NLK: variants seen among roughly 807,000 people sequenced by gnomAD.
NLK encodes serine/threonine-protein kinase NLK.
Under a neutral mutation model 59.0 loss-of-function variants are expected in NLK, and 11 were observed. The ratio of observed to expected loss-of-function variants is 0.19; its 90% CI spans 0.12 to 0.31. The LOEUF (loss-of-function observed/expected upper bound fraction) is 0.31. NLK is among the 10% of genes least tolerant of loss of function. The pLI, the probability that NLK is intolerant of heterozygous loss-of-function variation, is 1.00. For missense variants in NLK, 410 were observed against 661.1 expected (o/e 0.62, Z 4.16); for synonymous variants, 235 against 235.9 (o/e 1.00, Z 0.03).
intron 1 of NLK, among the ~76,000 whole-genome samples, chr17:28,103,267 C>T: frequency 6.6e-6 from 1 of 152,124 alleles, no homozygotes; most frequent in South Asian, 2.1e-4. Flanking sequence ...AGCAGAAGTT[C>T]CATAAGCCAG....
chr17:28,087,062 A>T (rs1272167275), intron 1 of NLK, among the ~76,000 whole-genome samples: 2 of 151,842 alleles, frequency 1.3e-5, no homozygotes, highest in South Asian at 2.1e-4. Context: ...AAAAAAAAAA[A>T]AAAGTTGATA....
intron 1 of NLK, chr17:28,048,179 A>G (rs556573446): frequency 1.4e-4 from 54 of 379,842 alleles, no homozygotes; most frequent in African/African-American, 1.1e-3. Flanking sequence ...GATAAAGAGT[A>G]GAGAATAAAA....
intron 7 of NLK, among the ~76,000 whole-genome samples, chr17:28,173,928 C>G (rs148600590): frequency 3.8e-4 from 58 of 152,224 alleles, no homozygotes; most frequent in Admixed American, 9.2e-4. Flanking sequence ...GATCAGACAC[C>G]CTTATGCTAC....
intron 1 of NLK, among the ~76,000 whole-genome samples, chr17:28,111,889 T>TG (rs1905507413): frequency 3.3e-5 from 4 of 119,478 alleles, no homozygotes; most frequent in African/African-American, 1.0e-4. Context: ...TGTGTGTGTG[T>TG]GTGTGTGGTG....
At position 28,191,046 on chromosome 17, in the gene NLK, C is replaced by T; in HGVS notation, c.1262C>T (p.Ala421Val). 6.2e-7 allele frequency: 1 copy of T among 1,606,310 alleles called. No individual in the cohort carries two copies. The highest frequency in any genetic ancestry group is 8.5e-7 in the Non-Finnish European group (1 of 1,177,440). The change falls in exon 9 of 11, where the codon GCC becomes GTC. Residue 421 changes from alanine to valine, a missense_variant. Around this residue, in one of 5 missense-constraint regions of NLK, gnomAD observed 150 missense variants for 244.3 expected, o/e 0.61. Coordinates refer to ENST00000407008, the MANE Select transcript of NLK (RefSeq NM_016231.5). ...DPSKRISAKDALAHPYLDEGR... is the reference protein window; with the variant it reads ...DPSKRISAKDVLAHPYLDEGR... ...TCCAAAAGAATATCCGCTAAGGATG[C>T]CTTAGCCCACCCCTACCTAGATGAA...
At chr17:28,142,729 A>C (rs964555185) in intron 3 of NLK, among the ~76,000 whole-genome samples, 1 of 152,172 alleles carries the variant, frequency 6.6e-6, no homozygotes, top group Non-Finnish European at 1.5e-5. Flanking sequence ...TGGAAGAAAA[A>C]AAAAACGAGC....
intron 6 of NLK, 61 bp downstream of exon 6, chr17:28,168,718 C>A: frequency 1.5e-6 from 2 of 1,304,272 alleles, no homozygotes; most frequent in South Asian, 1.2e-5. Flanking sequence ...GAAAATCCAT[C>A]TTGCACATGT....
chr17:28,200,066 G>A (rs1909589452), downstream of NLK, among the ~76,000 whole-genome samples: 1 of 152,170 alleles, frequency 6.6e-6, no homozygotes, highest in South Asian at 2.1e-4. Flanking sequence ...CAGGTCTTTT[G>A]TTGAGTATGT....
intron 3 of NLK, among the ~76,000 whole-genome samples, chr17:28,134,009 A>T (rs1906629271): frequency 6.6e-6 from 1 of 152,156 alleles, no homozygotes; most frequent in Non-Finnish European, 1.5e-5. Context: ...GATCTTTTAA[A>T]CCAAAAGCTC....
intron 1 of NLK, among the ~76,000 whole-genome samples, chr17:28,106,333 A>G (rs1905079541): frequency 6.6e-6 from 1 of 152,196 alleles, no homozygotes; most frequent in Non-Finnish European, 1.5e-5. Context: ...ATTCGTATAT[A>G]ATGAAAATAC....
At chr17:28,057,410 G>A (rs1245626017) in intron 1 of NLK, among the ~76,000 whole-genome samples, 1 of 152,170 alleles carries the variant, frequency 6.6e-6, no homozygotes, top group Non-Finnish European at 1.5e-5. Flanking sequence ...GAAGGAACTC[G>A]AAGTTTTAAA....
At chr17:28,159,030 G>T (rs1357782710) in intron 3 of NLK, among the ~76,000 whole-genome samples, 1 of 152,094 alleles carries the variant, frequency 6.6e-6, no homozygotes, top group Admixed American at 6.6e-5. Context: ...GTTGAGGTAG[G>T]CCTCATTTGA....
Position 28,043,112 on chromosome 17 carries a change from C to G in NLK, c.239C>G (p.Ala80Gly). The change falls in exon 1 of 11, where the codon GCA (alanine) becomes GGA (glycine). Residue 80 changes from alanine (A) to glycine (G), a missense_variant. By Grantham distance (60) the Ala-to-Gly change is moderately conservative. This residue lies in a region of NLK where 160 missense variants were observed against 171.0 expected (regional missense o/e 0.94). Coordinates refer to ENST00000407008, the MANE Select transcript of NLK (RefSeq NM_016231.5). ...SAAAAAAAAAAAAAMLNPGQQ... is the reference protein window; with the variant it reads ...SAAAAAAAAAGAAAMLNPGQQ... ...GCTGCGGCAGCCGCAGCAGCGGCTG[C>G]AGCTGCAGCCATGTTAAACCCTGGG... 6.3e-7 allele frequency: 1 copy of G among 1,593,762 alleles called. No individual in the cohort carries two copies. Among genetic ancestry groups the G allele is most frequent in the South Asian group, 1.1e-5 (1 of 89,724 alleles).
At chr17:28,111,896 G>GTGTGTGTGGTGT (rs1394476582) in intron 1 of NLK, among the ~76,000 whole-genome samples, 4 of 67,486 alleles carry the variant, frequency 5.9e-5, no homozygotes, top group African/African-American at 1.2e-4. Context: ...GTGTGTGTGT[G>GTGTGTGTGGTGT]GTGTGTGTGT....
rs189492977 is a variant in NLK at position 28,146,885 on chromosome 17, A to G, written c.644+14210A>G. Among the ~76,000 whole-genome samples, 43 of 152,300 alleles carry G rather than the reference A, an allele frequency of 2.8e-4. No homozygotes were observed. In the East Asian group the frequency reaches 8.1e-3, roughly 29 times the overall value. On this transcript the variant is annotated intron_variant, in intron 3 of 10. Coordinates refer to ENST00000407008, the MANE Select transcript of NLK (RefSeq NM_016231.5). ...CTCTCTAAACCTCTTTGCTCTGTAT[A>G]ATGGGAACCCATAATGGGACTTACT... is the stretch of plus-strand genomic sequence containing the variant.
chr17:28,121,495 C>CT (rs58647578), intron 1 of NLK, among the ~76,000 whole-genome samples: 50,067 of 71,884 alleles, frequency 0.7, 16,816 homozygotes, highest in South Asian at 0.8. Context: ...TCTTTCTTTT[C>CT]TTTTTTTTTT....
chr17:28,092,943 G>A (rs528018376), intron 1 of NLK, among the ~76,000 whole-genome samples: 2 of 152,000 alleles, frequency 1.3e-5, no homozygotes, highest in East Asian at 1.9e-4. Context: ...CTACAGGCAT[G>A]TGCCACCAAG....
chr17:28,187,863 A>AAAGATTTATCTGGTAAGG (rs1248777148), intron 8 of NLK, among the ~76,000 whole-genome samples: 2 of 152,174 alleles, frequency 1.3e-5, no homozygotes, highest in African/African-American at 4.8e-5. Context: ...AAGAGTATAT[A>AAAGATTTATCTGGTAAGG]TTCTTTTGGA....
intron 3 of NLK, among the ~76,000 whole-genome samples, chr17:28,160,577 C>T (rs533241560): frequency 9.9e-5 from 15 of 152,106 alleles, no homozygotes; most frequent in Non-Finnish European, 1.9e-4. Context: ...GAAGCTCGCT[C>T]GAAATCTAGT....
Sources: gnomAD v4.1 joint callset for allele counts (sites outside exome capture counted in the v4.1 genomes callset) on GRCh38, gnomAD v4.1.1 for gene constraint, gnomAD v4.1.1 regional missense constraint, MANE v1.5 for transcripts, NCBI Gene and HGNC (gene_info 2026-07-23, HGNC 2026-07-21) for gene names.